The following KLF12 variants were observed in gnomAD, a reference collection of about 807,000 sequenced individuals.
The protein encoded by KLF12 is KLF transcription factor 12.
A neutral mutation model predicts 37.8 loss-of-function variants in KLF12; 9 were observed. The ratio of observed to expected loss-of-function variants is 0.24; its 90% confidence interval spans 0.14 to 0.42. The LOEUF (loss-of-function observed/expected upper bound fraction) is 0.42, where lower values mean the gene tolerates loss of function less well. Among genes scored for constraint, KLF12 ranks in the 10% least tolerant of loss-of-function variants. The probability of loss-of-function intolerance (pLI) is 1.00; values close to 1 mark genes in which losing one functional copy is unlikely to be tolerated. For synonymous variants in KLF12, 208 were observed against 202.1 expected (o/e 1.03, Z -0.25); for missense variants, 411 against 516.0 (o/e 0.80, Z 1.97).
At chr13:73,989,932 AG>A (rs1891922876) in intron 2 of KLF12, among the ~76,000 whole-genome samples, 1 of 151,952 alleles carries the variant, frequency 6.6e-6, no homozygotes, top group South Asian at 2.1e-4. Flanking sequence ...TTAAAAAAAA[AG>A]TTCAAGGCAG....
At chr13:74,242,549 G>A in the KLF12 span, among the ~76,000 whole-genome samples, 126 of 152,292 alleles carry the variant, frequency 8.3e-4, 1 homozygote, top group African/African-American at 2.8e-3. Context: ...GGGAATTACG[G>A]GAGCTACAAT....
the KLF12 span, among the ~76,000 whole-genome samples, chr13:74,303,724 C>A: frequency 1.3e-5 from 2 of 152,070 alleles, no homozygotes; most frequent in Non-Finnish European, 2.9e-5. Flanking sequence ...ACTTTGTCAA[C>A]GCACAAATCC....
At chr13:73,705,737 G>A (rs1209051494) in intron 7 of KLF12, among the ~76,000 whole-genome samples, 1 of 152,192 alleles carries the variant, frequency 6.6e-6, no homozygotes, top group Non-Finnish European at 1.5e-5. Flanking sequence ...CAGAATGAGA[G>A]AAAGTAGAAA....
At position 73,693,207 on chromosome 13, in the gene KLF12, T is replaced by A. The variant is rs557949606; in HGVS notation, c.*2283A>T. 1 of 152,350 alleles carries A rather than the reference T, an allele frequency of 6.6e-6. No individual in the cohort carries two copies. Among genetic ancestry groups the A allele is most frequent in the East Asian group, 1.9e-4 (1 of 5,176 alleles). 9.4% of individuals were successfully genotyped at this position (152,350 alleles called of 1,614,324 possible). ...TCATGGCTGTGTTTGTCCCTCTCTGTGTTCTCTGTCACTGACTAGTAACCA... is the reference window on the plus strand; with the variant it reads ...TCATGGCTGTGTTTGTCCCTCTCTGAGTTCTCTGTCACTGACTAGTAACCA... On this transcript the variant is annotated 3_prime_UTR_variant, in exon 8 of 8. Coordinates refer to ENST00000377669, the MANE Select transcript of KLF12 (RefSeq NM_007249.5).
chr13:74,109,972 G>A lies in KLF12; in HGVS notation c.-32+23767C>T, dbSNP rs78422989. 7.4e-3 allele frequency among the ~76,000 whole-genome samples: 1,124 copies of A among 152,038 alleles called. 10 individuals carry two copies. The highest frequency in any genetic ancestry group is 0.025 in the African/African-American group (1,054 of 41,476). ...TGAGAATCATAGCTAAGACTTTTGG[G>A]GAAAAAAACAGGAAAAAGTATAATA... On this transcript the variant is annotated intron_variant, in intron 1 of 7. Coordinates refer to ENST00000377669, the MANE Select transcript of KLF12 (RefSeq NM_007249.5).
intron 4 of KLF12, among the ~76,000 whole-genome samples, chr13:73,834,058 T>C (rs571871056): frequency 2.4e-4 from 36 of 152,298 alleles, no homozygotes; most frequent in Middle Eastern, 6.8e-3. Flanking sequence ...AAACACGATG[T>C]TGGGGAAATA....
the KLF12 span, among the ~76,000 whole-genome samples, chr13:74,293,685 C>T: frequency 2.0e-5 from 3 of 152,136 alleles, no homozygotes; most frequent in East Asian, 3.9e-4. Flanking sequence ...ACATTCCAAA[C>T]GAGCAGTTCA....
chr13:74,124,571 T>C (rs1173238577), intron 1 of KLF12, among the ~76,000 whole-genome samples: 1 of 152,222 alleles, frequency 6.6e-6, no homozygotes, highest in Non-Finnish European at 1.5e-5. Context: ...TCACATAAAG[T>C]GCATTTAAAG....
chr13:73,839,853 T>C (rs890287927), intron 4 of KLF12, among the ~76,000 whole-genome samples: 1 of 152,210 alleles, frequency 6.6e-6, no homozygotes, highest in Non-Finnish European at 1.5e-5. Flanking sequence ...CAGAAGATAA[T>C]GATGTAGGAT....
intron 6 of KLF12, among the ~76,000 whole-genome samples, chr13:73,740,568 T>A (rs1314989431): frequency 6.6e-6 from 1 of 152,190 alleles, no homozygotes; most frequent in Non-Finnish European, 1.5e-5. Flanking sequence ...CTTGAACCCC[T>A]AGCCTCAAAT....
the KLF12 span, among the ~76,000 whole-genome samples, chr13:74,285,745 AT>A: frequency 6.6e-6 from 1 of 152,190 alleles, no homozygotes; most frequent in Non-Finnish European, 1.5e-5. Context: ...AGTTTCTTTC[AT>A]CTGTGAAATG....
the KLF12 span, among the ~76,000 whole-genome samples, chr13:74,178,147 GC>G: frequency 6.6e-6 from 1 of 152,180 alleles, no homozygotes; most frequent in East Asian, 1.9e-4. Flanking sequence ...ATGGTCATCA[GC>G]CAGTGTGGGG....
At chr13:73,790,327 A>G (rs1281837155) in intron 5 of KLF12, among the ~76,000 whole-genome samples, 1 of 152,166 alleles carries the variant, frequency 6.6e-6, no homozygotes, top group Non-Finnish European at 1.5e-5. Context: ...ACCAAATAGT[A>G]AAACTTATTA....
chr13:73,946,605 G>A (rs771087498), intron 2 of KLF12, among the ~76,000 whole-genome samples: 1 of 151,970 alleles, frequency 6.6e-6, no homozygotes, highest in Non-Finnish European at 1.5e-5. Context: ...AAACATTCTC[G>A]ATTTTTTTAA....
chr13:74,123,345 G>C (rs1006615176), intron 1 of KLF12, among the ~76,000 whole-genome samples: 1 of 152,060 alleles, frequency 6.6e-6, no homozygotes, highest in Non-Finnish European at 1.5e-5. Flanking sequence ...AAGAGACTAC[G>C]GCATAAATCT....
chr13:73,925,383 C>T (rs1014470206), intron 3 of KLF12, among the ~76,000 whole-genome samples: 2 of 152,192 alleles, frequency 1.3e-5, no homozygotes, highest in African/African-American at 4.8e-5. Flanking sequence ...AATCTACTGT[C>T]TGCTCTAGAA....
At chr13:74,051,842 A>G (rs922421985) in intron 1 of KLF12, among the ~76,000 whole-genome samples, 13 of 152,202 alleles carry the variant, frequency 8.5e-5, no homozygotes, top group African/African-American at 2.7e-4. Flanking sequence ...TATAGTTAAC[A>G]ATAATATAGT....
At chr13:74,228,891 C>T in the KLF12 span, among the ~76,000 whole-genome samples, 2 of 150,704 alleles carry the variant, frequency 1.3e-5, no homozygotes, top group Non-Finnish European at 3.0e-5. Context: ...AAAAAACACA[C>T]CAGAAAAATG....
intron 3 of KLF12, among the ~76,000 whole-genome samples, chr13:73,892,877 C>G (rs986697440): frequency 2.0e-5 from 3 of 152,192 alleles, no homozygotes; most frequent in Non-Finnish European, 4.4e-5. Flanking sequence ...AGCTACTACT[C>G]TTTAACCATA....
Sources: gnomAD v4.1 joint callset for allele counts (sites outside exome capture counted in the v4.1 genomes callset) on GRCh38, gnomAD v4.1.1 for gene constraint, MANE v1.5 for transcripts, NCBI Gene and HGNC (gene_info 2026-07-23, HGNC 2026-07-21) for gene names.